The following TBC1D5 variants were observed in gnomAD, a reference collection of about 807,000 sequenced individuals.
TBC1D5 encodes the protein TBC1 domain family, member 5.
Under a neutral mutation model 100.3 loss-of-function variants are expected in TBC1D5, and 75 were observed. That is an observed-to-expected ratio of 0.75 (90% CI 0.62 to 0.91). TBC1D5 has a LOEUF of 0.91. TBC1D5 is among the 40% of genes least tolerant of loss of function. The pLI, the probability that TBC1D5 is intolerant of heterozygous loss-of-function variation, is 0.00. For synonymous variants in TBC1D5, 323 were observed against 325.6 expected (o/e 0.99, Z 0.09); for missense variants, 910 against 942.4 (o/e 0.97, Z 0.45).
At chr3:17,458,594 C>G (rs1302135146) in intron 3 of TBC1D5, among the ~76,000 whole-genome samples, 2 of 152,166 alleles carry the variant, frequency 1.3e-5, no homozygotes, top group African/African-American at 2.4e-5. Flanking sequence ...ACAGCTGTGT[C>G]TTATCCAGGT....
intron 2 of TBC1D5, among the ~76,000 whole-genome samples, chr3:17,530,724 G>A: frequency 6.6e-6 from 1 of 152,076 alleles, no homozygotes. Context: ...CAGAACCAAA[G>A]ACAAAAACCA....
chr3:17,603,451 G>A (rs1419670010), intron 2 of TBC1D5, among the ~76,000 whole-genome samples: 1 of 152,102 alleles, frequency 6.6e-6, no homozygotes, highest in Non-Finnish European at 1.5e-5. Context: ...TCTCACCAGT[G>A]CCATGACAGT....
intron 2 of TBC1D5, among the ~76,000 whole-genome samples, chr3:17,557,862 G>C (rs566134678): frequency 2.6e-5 from 4 of 152,204 alleles, no homozygotes; most frequent in African/African-American, 9.6e-5. Flanking sequence ...GAAAGACACA[G>C]CTACACACCA....
intron 14 of TBC1D5, among the ~76,000 whole-genome samples, chr3:17,299,715 T>C (rs1160200417): frequency 6.6e-6 from 1 of 151,664 alleles, no homozygotes; most frequent in African/African-American, 2.4e-5. Context: ...AAAAATTAGC[T>C]GGATGTGGTG....
chr3:17,559,701 T>G lies in TBC1D5; in HGVS notation c.-35-51096A>C, dbSNP rs1050683016. Among the ~76,000 whole-genome samples the G allele has an allele frequency of 2.0e-5, 3 of 152,042 alleles. 1 individual carries two copies. Among genetic ancestry groups the G allele is most frequent in the Middle Eastern group, 6.8e-3 (2 of 294 alleles). On this transcript the variant is annotated intron_variant, in intron 2 of 21. Transcript: ENST00000253692. ...ACGTCCTGGGTTCAAGCGATTCTCC[T>G]GCCTCAGCCTCCCGAGTAGCTGGGA...
intron 13 of TBC1D5, among the ~76,000 whole-genome samples, chr3:17,316,245 C>T (rs2084683501): frequency 1.3e-5 from 2 of 152,184 alleles, no homozygotes; most frequent in African/African-American, 4.8e-5. Context: ...TTTCCCTGAT[C>T]GTTCTGAAGT....
intron 2 of TBC1D5, among the ~76,000 whole-genome samples, chr3:17,603,257 C>T (rs2061110220): frequency 6.6e-6 from 1 of 150,460 alleles, no homozygotes; most frequent in Non-Finnish European, 1.5e-5. Context: ...CTTGGCTCAA[C>T]TGATTCTCTC....
chr3:17,231,604 A>G (rs1017909863), intron 17 of TBC1D5, among the ~76,000 whole-genome samples: 3 of 152,180 alleles, frequency 2.0e-5, no homozygotes, highest in Non-Finnish European at 2.9e-5. Context: ...AAATCTAAGT[A>G]GTTTAATTCC....
At chr3:17,419,308 C>G (rs1225156008) in intron 4 of TBC1D5, among the ~76,000 whole-genome samples, 1 of 152,146 alleles carries the variant, frequency 6.6e-6, no homozygotes, top group African/African-American at 2.4e-5. Flanking sequence ...AACCAAAGTT[C>G]TCTGTTACAA....
intron 1 of TBC1D5, among the ~76,000 whole-genome samples, chr3:17,715,408 T>C (rs1241537976): frequency 6.6e-6 from 1 of 152,214 alleles, no homozygotes; most frequent in Non-Finnish European, 1.5e-5. Flanking sequence ...TATCAGTATA[T>C]ACAGGGGGGC....
At chr3:17,157,245 A>ATGAG (rs2065660649) in exon 22 of TBC1D5, 1 of 152,250 alleles carries the variant, frequency 6.6e-6, no homozygotes, top group South Asian at 2.1e-4. Flanking sequence ...TTAAATCAGT[A>ATGAG]TGAGTTATAG....
chr3:17,533,505 C>T (rs923441885), intron 2 of TBC1D5, among the ~76,000 whole-genome samples: 12 of 152,120 alleles, frequency 7.9e-5, no homozygotes, highest in African/African-American at 2.9e-4. Context: ...AAACAAACTG[C>T]TTTATGAAGT....
chr3:17,463,642 C>A (rs1044732578), intron 3 of TBC1D5, among the ~76,000 whole-genome samples: 1 of 152,132 alleles, frequency 6.6e-6, no homozygotes, highest in African/African-American at 2.4e-5. Flanking sequence ...AACAAAATAT[C>A]AAAATTTTAA....
At chr3:17,421,505 A>G (rs1575822998) in intron 4 of TBC1D5, among the ~76,000 whole-genome samples, 2 of 152,306 alleles carry the variant, frequency 1.3e-5, no homozygotes, top group Admixed American at 1.3e-4. Flanking sequence ...CTTTAGAACT[A>G]GAAAAAAAAA....
exon 22 of TBC1D5, chr3:17,157,720 T>A (rs916950881): frequency 6.6e-6 from 1 of 151,198 alleles, no homozygotes; most frequent in Admixed American, 6.6e-5. Context: ...AAAAATAAAA[T>A]AAAAACAAAA....
chr3:17,308,251 TCAAAA>T, intron 13 of TBC1D5, 117 bp from the exon 14 acceptor site: 4 of 971,390 alleles, frequency 4.1e-6, no homozygotes, highest in Non-Finnish European at 4.2e-6. Context: ...ATATTATATA[TCAAAA>T]ATATAATATA....
At chr3:17,318,433 A>T (rs2084972332) in intron 13 of TBC1D5, among the ~76,000 whole-genome samples, 1 of 152,080 alleles carries the variant, frequency 6.6e-6, no homozygotes, top group Non-Finnish European at 1.5e-5. Context: ...ACAAGCCTGA[A>T]CTCTTTAAAA....
chr3:17,238,161 A>T lies in TBC1D5; in HGVS notation c.1588+2T>A. 2 of 1,609,970 alleles carry T rather than the reference A, an allele frequency of 1.2e-6. No individual in the cohort carries two copies. The highest frequency in any genetic ancestry group is 1.7e-5 in the Admixed American group (1 of 59,252). ...TTTAGATTTACTAGTATTTTTTCCT[A>T]CCTTTGTTCAATTGCACAGGCATGC... is the stretch of plus-strand genomic sequence containing the variant. On this transcript the variant is annotated splice_donor_variant, in intron 17 of 21. Coordinates refer to ENST00000253692, the Ensembl canonical transcript of TBC1D5. LOFTEE classifies it high-confidence loss of function.
chr3:17,301,379 ATTAT>A (rs1322651140), intron 14 of TBC1D5, among the ~76,000 whole-genome samples: 3 of 152,338 alleles, frequency 2.0e-5, no homozygotes, highest in Non-Finnish European at 4.4e-5. Context: ...TCAAAGAATC[ATTAT>A]TTATTTGTGT....
Sources: allele counts gnomAD v4.1 joint callset (sites outside exome capture counted in the v4.1 genomes callset), GRCh38; gene constraint gnomAD v4.1.1; transcripts MANE v1.5; gene names NCBI Gene and HGNC (gene_info 2026-07-23, HGNC 2026-07-21).